SDC2: variants seen among roughly 807,000 people sequenced by gnomAD.
SDC2 encodes the protein syndecan-2.
SDC2 carries 13 observed loss-of-function variants against 22.2 expected under a neutral mutation model. That is an observed-to-expected ratio of 0.59 (90% CI 0.38 to 0.93). The LOEUF (loss-of-function observed/expected upper bound fraction) is 0.93. Ranked by LOEUF, SDC2 falls within the 40% of genes least tolerant of loss-of-function variation. SDC2 has a pLI of 0.00. For missense variants in SDC2, 235 were observed against 246.8 expected (o/e 0.95, Z 0.32); for synonymous variants, 94 against 92.8 (o/e 1.01, Z -0.07).
At chr8:96,526,767 G>T (rs1441128032) in intron 1 of SDC2, among the ~76,000 whole-genome samples, 5 of 152,226 alleles carry the variant, frequency 3.3e-5, no homozygotes, top group African/African-American at 1.2e-4. Context: ...TGGATTGTGT[G>T]TTGACCCCTG....
chr8:96,504,854 T>G (rs1813214907), intron 1 of SDC2, among the ~76,000 whole-genome samples: 1 of 152,078 alleles, frequency 6.6e-6, no homozygotes, highest in South Asian at 2.1e-4. Context: ...GCAGGCAGGC[T>G]GAGTCCGAAA....
intron 1 of SDC2, among the ~76,000 whole-genome samples, chr8:96,570,769 G>T (rs1260533134): frequency 6.6e-6 from 1 of 152,112 alleles, no homozygotes; most frequent in African/African-American, 2.4e-5. Context: ...GTGTTCATAC[G>T]TTGGGTTAAA....
intron 1 of SDC2, among the ~76,000 whole-genome samples, chr8:96,563,522 G>A (rs192264344): frequency 6.6e-6 from 1 of 152,190 alleles, no homozygotes; most frequent in Admixed American, 6.5e-5. Flanking sequence ...TCAAACTTAG[G>A]AATGTATCAG....
At chr8:96,499,066 C>G (rs1813119821) in intron 1 of SDC2, among the ~76,000 whole-genome samples, 1 of 152,178 alleles carries the variant, frequency 6.6e-6, no homozygotes, top group African/African-American at 2.4e-5. Flanking sequence ...TAATAGCCTT[C>G]CTTTCTGGTT....
intron 1 of SDC2, among the ~76,000 whole-genome samples, chr8:96,526,814 G>A (rs1046340047): frequency 2.0e-5 from 3 of 152,258 alleles, no homozygotes; most frequent in East Asian, 1.9e-4. Flanking sequence ...TTCCCCTGAC[G>A]ATCCATTGGT....
At chr8:96,590,773 A>G (rs1382478281) in intron 1 of SDC2, among the ~76,000 whole-genome samples, 2 of 152,182 alleles carry the variant, frequency 1.3e-5, no homozygotes, top group East Asian at 1.9e-4. Flanking sequence ...TGCTCCTGAA[A>G]TCAGAGTGGG....
At chr8:96,541,098 A>T (rs796417208) in intron 1 of SDC2, among the ~76,000 whole-genome samples, 33 of 152,244 alleles carry the variant, frequency 2.2e-4, no homozygotes, top group African/African-American at 7.0e-4. Context: ...TTTTATGGAT[A>T]TGTGTATACA....
intron 3 of SDC2, among the ~76,000 whole-genome samples, chr8:96,605,646 T>A (rs1815065718): frequency 6.6e-6 from 1 of 152,268 alleles, no homozygotes; most frequent in Non-Finnish European, 1.5e-5. Context: ...CTCTGCTTTT[T>A]GTAAGTCATG....
At chr8:96,547,971 AG>A (rs981094191) in intron 1 of SDC2, among the ~76,000 whole-genome samples, 14 of 152,114 alleles carry the variant, frequency 9.2e-5, no homozygotes, top group Admixed American at 2.6e-4. Context: ...TATGTTGCCC[AG>A]GCTGGTCTCA....
At chr8:96,593,344 T>G (rs1329973353) in intron 1 of SDC2, 136 bp from the exon 2 acceptor site, 1 of 611,906 alleles carries the variant, frequency 1.6e-6, no homozygotes, top group African/African-American at 1.8e-5. Flanking sequence ...TGAGGAAGAC[T>G]GTGGCCAGAG....
At chr8:96,561,390 A>T (rs1404586701) in intron 1 of SDC2, among the ~76,000 whole-genome samples, 1 of 152,232 alleles carries the variant, frequency 6.6e-6, no homozygotes, top group Non-Finnish European at 1.5e-5. Flanking sequence ...GAGGAAGAAC[A>T]GGCAGCCAGA....
rs918313447 is a variant in SDC2 at position 96,609,304 on chromosome 8, A to G, written c.443-81A>G. 4.3e-6 allele frequency: 5 copies of G among 1,165,488 alleles called. No homozygotes were observed. The African/African-American group carries it at 6.3e-5, about 15-fold the overall frequency. 72.2% of individuals were successfully genotyped at this position (1,165,488 alleles called of 1,614,324 possible). The stretch of plus-strand genomic sequence containing the variant: ...AAATTAAGCCTTTTATAAAAGTGTA[A>G]GTAGATTAGGCTTGACAATAAAGCT... On this transcript the variant is annotated intron_variant, in intron 4 of 4. Coordinates refer to ENST00000302190, the MANE Select transcript of SDC2 (RefSeq NM_002998.4).
At chr8:96,552,063 A>G (rs891511767) in intron 1 of SDC2, among the ~76,000 whole-genome samples, 2 of 152,188 alleles carry the variant, frequency 1.3e-5, no homozygotes, top group Non-Finnish European at 2.9e-5. Flanking sequence ...TAGTTCTGCA[A>G]CAGAACCAGC....
At chr8:96,534,178 G>A (rs984154405) in intron 1 of SDC2, among the ~76,000 whole-genome samples, 1 of 152,180 alleles carries the variant, frequency 6.6e-6, no homozygotes, top group African/African-American at 2.4e-5. Context: ...CCCGGTTCCT[G>A]CCTGTGTTTC....
intron 1 of SDC2, among the ~76,000 whole-genome samples, chr8:96,573,529 C>T (rs1373608422): frequency 6.6e-6 from 1 of 152,028 alleles, no homozygotes; most frequent in Non-Finnish European, 1.5e-5. Context: ...CACAATTGCT[C>T]TACGAGGACA....
At chr8:96,578,312 A>T (rs983928436) in intron 1 of SDC2, among the ~76,000 whole-genome samples, 1 of 152,242 alleles carries the variant, frequency 6.6e-6, no homozygotes, top group Non-Finnish European at 1.5e-5. Flanking sequence ...ACATGTGTCT[A>T]TTTGAACTTA....
At chr8:96,577,507 T>C (rs1483046696) in intron 1 of SDC2, among the ~76,000 whole-genome samples, 2 of 152,112 alleles carry the variant, frequency 1.3e-5, no homozygotes, top group Non-Finnish European at 2.9e-5. Flanking sequence ...CCATTTCACC[T>C]CTTACTGTAT....
chr8:96,595,438 A>G (rs1170081289), intron 2 of SDC2, among the ~76,000 whole-genome samples: 1 of 152,232 alleles, frequency 6.6e-6, no homozygotes, highest in Non-Finnish European at 1.5e-5. Context: ...TCACACACAC[A>G]AAATGGGTGT....
intron 1 of SDC2, among the ~76,000 whole-genome samples, chr8:96,549,140 G>A (rs902169970): frequency 1.3e-5 from 2 of 152,214 alleles, no homozygotes; most frequent in Admixed American, 1.3e-4. Context: ...TAAAAACTGA[G>A]TACTCTTGTA....
Sources: gnomAD v4.1 joint callset for allele counts (sites outside exome capture counted in the v4.1 genomes callset) on GRCh38, gnomAD v4.1.1 for gene constraint, MANE v1.5 for transcripts, NCBI Gene and HGNC (gene_info 2026-07-23, HGNC 2026-07-21) for gene names.